KDM4C: variants seen among roughly 807,000 people sequenced by gnomAD.
The protein encoded by KDM4C is lysine demethylase 4C.
In KDM4C, 81 loss-of-function variants were observed where a neutral mutation model predicts 129.3. The observed-to-expected ratio is 0.63, with a 90% CI of 0.52 to 0.75. KDM4C has a LOEUF of 0.75. Ranked by LOEUF, KDM4C falls within the 30% of genes least tolerant of loss-of-function variation. The pLI is 0.00. For synonymous variants in KDM4C, 573 were observed against 456.1 expected (o/e 1.26, Z -3.26); for missense variants, 1,457 against 1,304.0 (o/e 1.12, Z -1.81).
At chr9:7,036,282 A>G (rs1827633642) in intron 15 of KDM4C, among the ~76,000 whole-genome samples, 1 of 152,214 alleles carries the variant, frequency 6.6e-6, no homozygotes, top group Admixed American at 6.5e-5. Context: ...GGAAGAAAGA[A>G]TAAGCCAGCT....
chr9:6,790,471 C>G (rs1826339815), intron 1 of KDM4C, among the ~76,000 whole-genome samples: 1 of 149,364 alleles, frequency 6.7e-6, no homozygotes, highest in African/African-American at 2.5e-5. Flanking sequence ...CCAGGATGGT[C>G]TCCATCTCCT....
chr9:6,898,817 G>A (rs1251061085), intron 8 of KDM4C, among the ~76,000 whole-genome samples: 1 of 152,110 alleles, frequency 6.6e-6, no homozygotes, highest in African/African-American at 2.4e-5. Context: ...ATCTTGGGCA[G>A]TCTTTATTAA....
At chr9:7,033,264 G>A (rs79616604) in intron 15 of KDM4C, among the ~76,000 whole-genome samples, 2,534 of 152,116 alleles carry the variant, frequency 0.017, 65 homozygotes, top group African/African-American at 0.049. Context: ...AGAAAGGCCC[G>A]GTTCTTGTCA....
chr9:6,948,023 T>A (rs1156719592), intron 8 of KDM4C: 4 of 152,204 alleles, frequency 2.6e-5, no homozygotes, highest in African/African-American at 7.2e-5. Flanking sequence ...GATTTCCTGT[T>A]TTTTTCTAGG....
rs189542030 is a variant in KDM4C, at chr9:7,164,073, C to T, written c.2782-1165C>T. ...AACTAAATACTTCCTGTGTATGCCT[C>T]TCATTTAAACCACAGAATATGCCCA... On this transcript the variant is annotated intron_variant, in intron 19 of 21. Coordinates refer to ENST00000381309, the MANE Select transcript of KDM4C (RefSeq NM_015061.6). 2.7e-4 allele frequency among the ~76,000 whole-genome samples: 41 copies of T among 152,258 alleles called. No individual in the cohort carries two copies. In the East Asian group the frequency reaches 7.7e-3, roughly 29 times the overall value.
chr9:6,815,688 G>A (rs1831960073), intron 4 of KDM4C, among the ~76,000 whole-genome samples: 2 of 152,170 alleles, frequency 1.3e-5, no homozygotes, highest in African/African-American at 2.4e-5. Context: ...TGAGCATCGT[G>A]TTGAAACTCA....
At chr9:7,055,189 A>C (rs1401171594) in intron 17 of KDM4C, among the ~76,000 whole-genome samples, 4 of 152,142 alleles carry the variant, frequency 2.6e-5, no homozygotes, top group Non-Finnish European at 5.9e-5. Context: ...AAAACAAACA[A>C]ACACAAAAAA....
chr9:6,953,232 T>G (rs1013970809), intron 8 of KDM4C, among the ~76,000 whole-genome samples: 3 of 152,238 alleles, frequency 2.0e-5, no homozygotes, highest in Non-Finnish European at 4.4e-5. Context: ...CAAGACAGCC[T>G]GAGTGTTCTC....
chr9:6,908,155 A>C (rs961195530), intron 8 of KDM4C, among the ~76,000 whole-genome samples: 2 of 152,164 alleles, frequency 1.3e-5, no homozygotes, highest in Admixed American at 6.5e-5. Context: ...GGCTATTTAT[A>C]CTATTGTTTA....
chr9:6,810,409 A>T (rs1423037190), intron 3 of KDM4C, among the ~76,000 whole-genome samples: 2 of 152,202 alleles, frequency 1.3e-5, no homozygotes, highest in African/African-American at 4.8e-5. Flanking sequence ...AAATGGTATA[A>T]ATTTTTAGGC....
At chr9:7,007,747 G>A (rs1212362359) in intron 12 of KDM4C, among the ~76,000 whole-genome samples, 2 of 151,788 alleles carry the variant, frequency 1.3e-5, no homozygotes, top group Non-Finnish European at 2.9e-5. Context: ...TTTTTTGTGG[G>A]TTCATTTTAT....
intron 18 of KDM4C, among the ~76,000 whole-genome samples, chr9:7,109,396 C>T (rs1363041791): frequency 6.6e-6 from 1 of 152,220 alleles, no homozygotes; most frequent in East Asian, 1.9e-4. Context: ...ATATCTCTCT[C>T]CAACTTTCTA....
At chr9:7,036,778 A>T (rs1274965182) in intron 15 of KDM4C, among the ~76,000 whole-genome samples, 1 of 152,192 alleles carries the variant, frequency 6.6e-6, no homozygotes, top group Non-Finnish European at 1.5e-5. Context: ...CCACCCCCCG[A>T]TATAAGTCAA....
intron 8 of KDM4C, among the ~76,000 whole-genome samples, chr9:6,966,507 C>T (rs944697311): frequency 1.3e-5 from 2 of 152,154 alleles, no homozygotes; most frequent in African/African-American, 4.8e-5. Context: ...TTACTGAAGG[C>T]CACAGCCACT....
intron 15 of KDM4C, among the ~76,000 whole-genome samples, chr9:7,044,453 G>A (rs1231321124): frequency 6.6e-6 from 1 of 151,856 alleles, no homozygotes; most frequent in Non-Finnish European, 1.5e-5. Context: ...CAATAGTTTA[G>A]GTCTGGTGAA....
chr9:6,944,939 G>A (rs1009120424), intron 8 of KDM4C, among the ~76,000 whole-genome samples: 1 of 152,100 alleles, frequency 6.6e-6, no homozygotes, highest in African/African-American at 2.4e-5. Context: ...GGAACTAGAG[G>A]TGTTGGGTTA....
At chr9:7,086,139 CAG>C (rs1233044580) in intron 17 of KDM4C, among the ~76,000 whole-genome samples, 1 of 152,194 alleles carries the variant, frequency 6.6e-6, no homozygotes, top group African/African-American at 2.4e-5. Context: ...GCCTGAGCGA[CAG>C]AGCCAGACCC....
upstream of KDM4C, chr9:6,757,621 A>G: frequency 1.0e-6 from 1 of 985,440 alleles, no homozygotes; most frequent in Non-Finnish European, 1.2e-6. Flanking sequence ...CGCCACGCTG[A>G]CGTCCGCGCG....
At chr9:6,960,041 A>G (rs1337155445) in intron 8 of KDM4C, among the ~76,000 whole-genome samples, 1 of 151,854 alleles carries the variant, frequency 6.6e-6, no homozygotes, top group Non-Finnish European at 1.5e-5. Flanking sequence ...AATCCTCCCA[A>G]GCAGAAGTCT....
Sources: allele counts gnomAD v4.1 joint callset (sites outside exome capture counted in the v4.1 genomes callset), GRCh38; gene constraint gnomAD v4.1.1; transcripts MANE v1.5; gene names NCBI Gene and HGNC (gene_info 2026-07-23, HGNC 2026-07-21).